CD2AP: variants seen among roughly 807,000 people sequenced by gnomAD.
CD2AP encodes the protein CD2 associated protein, also known as CD2-associated protein.
CD2AP carries 46 observed loss-of-function variants against 85.1 expected under a neutral mutation model. The ratio of observed to expected loss-of-function variants is 0.54; its 90% CI spans 0.43 to 0.69. The LOEUF is 0.69. Among genes scored for constraint, CD2AP ranks in the 30% least tolerant of loss-of-function variants. The probability of loss-of-function intolerance (pLI) is 0.00; values close to 1 mark genes in which losing one functional copy is unlikely to be tolerated. For missense variants in CD2AP, 769 were observed against 729.5 expected (o/e 1.05, Z -0.62); for synonymous variants, 255 against 252.9 (o/e 1.01, Z -0.08).
At chr6:47,602,637 C>T (rs1184466848) in intron 13 of CD2AP, among the ~76,000 whole-genome samples, 2 of 151,148 alleles carry the variant, frequency 1.3e-5, no homozygotes, top group East Asian at 3.9e-4. Flanking sequence ...GAGGCCAAAG[C>T]AGGAAGATTG....
Position 47,599,283 on chromosome 6 carries a change from G to T in CD2AP, c.1275-18G>T. 1.9e-6 allele frequency: 3 copies of T among 1,608,656 alleles called. No individual in the cohort carries two copies. The highest frequency in any genetic ancestry group is 2.6e-6 in the Non-Finnish European group (3 of 1,176,200). ...TGTTTCATACTAGTGATTTTTGCGTGTTTTTTTCTTATTTCAGGATTAATG... is the reference window on the plus strand; with the variant it reads ...TGTTTCATACTAGTGATTTTTGCGTTTTTTTTTCTTATTTCAGGATTAATG... On this transcript the variant is annotated intron_variant, in intron 12 of 17. Transcript: ENST00000359314.
chr6:47,608,706 G>T (rs1377146843), intron 15 of CD2AP, among the ~76,000 whole-genome samples: 2 of 152,046 alleles, frequency 1.3e-5, no homozygotes, highest in Non-Finnish European at 2.9e-5. Context: ...ACTCATTTTA[G>T]TGACTCTTCC....
rs963954033 is a variant in CD2AP at position 47,509,424 on chromosome 6, G to C, written c.165+5984G>C. Among the ~76,000 whole-genome samples the C allele has an allele frequency of 3.6e-5, 5 of 138,208 alleles. No individual in the cohort carries two copies. The East Asian group carries it at 9.9e-4, about 27-fold the overall frequency. The allele number at this position is 138,208 out of a possible 152,430, so 90.7% of individuals were successfully genotyped here. ...GGCTTGCTTGACACAGTGTTGCACA[G>C]ACCTTCAATTTGTAAAAAAAAAAAA... On this transcript the variant is annotated intron_variant, in intron 2 of 17. Coordinates refer to ENST00000359314, the MANE Select transcript of CD2AP (RefSeq NM_012120.3).
intron 3 of CD2AP, among the ~76,000 whole-genome samples, chr6:47,542,241 G>T (rs1038012494): frequency 1.3e-5 from 2 of 152,068 alleles, no homozygotes; most frequent in African/African-American, 4.8e-5. Context: ...TCTGTTAAGT[G>T]TGCATTTAAA....
At chr6:47,509,680 T>C (rs1766265969) in intron 2 of CD2AP, among the ~76,000 whole-genome samples, 2 of 152,218 alleles carry the variant, frequency 1.3e-5, no homozygotes, top group Admixed American at 1.3e-4. Context: ...CTATGGAAAC[T>C]GAAGTCAGAA....
intron 14 of CD2AP, among the ~76,000 whole-genome samples, chr6:47,607,182 A>C (rs1031548305): frequency 2.6e-5 from 4 of 152,032 alleles, no homozygotes; most frequent in African/African-American, 9.7e-5. Context: ...TATAGTTACC[A>C]CATTTTCTTT....
At chr6:47,537,901 C>T (rs1414087463) in intron 3 of CD2AP, among the ~76,000 whole-genome samples, 2 of 151,892 alleles carry the variant, frequency 1.3e-5, no homozygotes, top group African/African-American at 4.8e-5. Flanking sequence ...AGGAACACGC[C>T]ACTGCACCTG....
chr6:47,578,689 T>C (rs1049949579), intron 8 of CD2AP, among the ~76,000 whole-genome samples: 2 of 151,724 alleles, frequency 1.3e-5, no homozygotes, highest in Non-Finnish European at 2.9e-5. Flanking sequence ...AGTCTCGCTC[T>C]GTCACCCAGG....
intron 13 of CD2AP, among the ~76,000 whole-genome samples, chr6:47,600,292 A>C (rs1156883884): frequency 1.3e-5 from 2 of 151,842 alleles, no homozygotes. Context: ...TTTTACTGTG[A>C]TATTCTTTTA....
At chr6:47,616,116 A>G (rs1582629624) in intron 17 of CD2AP, among the ~76,000 whole-genome samples, 2 of 54,078 alleles carry the variant, frequency 3.7e-5, no homozygotes. Flanking sequence ...TTTTGAGATG[A>G]AGTCTTGCTC....
At chr6:47,482,442 G>T (rs1455784949) in intron 1 of CD2AP, among the ~76,000 whole-genome samples, 3 of 149,510 alleles carry the variant, frequency 2.0e-5, no homozygotes, top group Non-Finnish European at 4.4e-5. Context: ...GCAGTGGCGC[G>T]ATCTCGGCTC....
At chr6:47,595,773 A>G (rs1025806002) in intron 11 of CD2AP, 88 bp from the exon 12 acceptor site, 1 of 1,081,268 alleles carries the variant, frequency 9.2e-7, no homozygotes, top group Admixed American at 1.8e-5. Context: ...CCTCTGTCAC[A>G]CTTTTCCAGC....
intron 3 of CD2AP, among the ~76,000 whole-genome samples, chr6:47,537,155 A>G (rs190950371): frequency 6.8e-4 from 104 of 152,362 alleles, no homozygotes; most frequent in African/African-American, 2.4e-3. Flanking sequence ...AGTTGAAACA[A>G]TGCCAGTCTA....
At chr6:47,550,459 C>T (rs1382245462) in intron 4 of CD2AP, among the ~76,000 whole-genome samples, 4 of 152,042 alleles carry the variant, frequency 2.6e-5, no homozygotes, top group African/African-American at 7.3e-5. Context: ...TTCAACATCA[C>T]CAATTATCAG....
chr6:47,482,150 A>G (rs910770081), intron 1 of CD2AP, among the ~76,000 whole-genome samples: 1 of 152,188 alleles, frequency 6.6e-6, no homozygotes, highest in Non-Finnish European at 1.5e-5. Context: ...TACTTCAATT[A>G]AACTACAGAG....
intron 5 of CD2AP, among the ~76,000 whole-genome samples, chr6:47,563,770 G>A (rs1394130355): frequency 6.6e-6 from 1 of 152,272 alleles, no homozygotes; most frequent in Non-Finnish European, 1.5e-5. Context: ...CTCCCTGGCT[G>A]TTTAATGTGA....
At position 47,479,025 on chromosome 6, in the gene CD2AP, T is replaced by C. The variant is rs189222212; in HGVS notation, c.4+777T>C. 2.5e-3 allele frequency among the ~76,000 whole-genome samples: 380 copies of C among 152,284 alleles called. 1 individual carries two copies. The highest frequency in any genetic ancestry group is 8.4e-3 in the African/African-American group (351 of 41,542). Reference sequence around the variant, plus strand: ...TGTGGCAGTCCGGGTTGAAAAGGAGTTTTGTTAAGTGGTGTAACAATTTCT... The same window carrying C: ...TGTGGCAGTCCGGGTTGAAAAGGAGCTTTGTTAAGTGGTGTAACAATTTCT... On this transcript the variant is annotated intron_variant, in intron 1 of 17. Coordinates refer to ENST00000359314, the MANE Select transcript of CD2AP (RefSeq NM_012120.3).
At chr6:47,480,144 G>T (rs916483668) in intron 1 of CD2AP, among the ~76,000 whole-genome samples, 1 of 152,070 alleles carries the variant, frequency 6.6e-6, no homozygotes, top group Non-Finnish European at 1.5e-5. Context: ...CTTAGAATGT[G>T]TTTTGAAGGT....
chr6:47,489,910 T>TA (rs1765680791), intron 1 of CD2AP, among the ~76,000 whole-genome samples: 1 of 152,090 alleles, frequency 6.6e-6, no homozygotes, highest in African/African-American at 2.4e-5. Flanking sequence ...TTTAAATATT[T>TA]ATCTTCTAAA....
Sources: gnomAD v4.1 joint callset for allele counts (sites outside exome capture counted in the v4.1 genomes callset) on GRCh38, gnomAD v4.1.1 for gene constraint, MANE v1.5 for transcripts, NCBI Gene and HGNC (gene_info 2026-07-23, HGNC 2026-07-21) for gene names.